IFIT1B: variants seen among roughly 807,000 people sequenced by gnomAD.
IFIT1B encodes the protein protein IFIT1 homolog B.
A neutral mutation model predicts 2.5 loss-of-function variants in IFIT1B; 3 were observed. The ratio of observed to expected loss-of-function variants is 1.21; its 90% CI spans 0.55 to 3.14. The LOEUF is 3.14. IFIT1B is among the 30% of genes most tolerant of loss of function. The pLI, the probability that IFIT1B is intolerant of heterozygous loss-of-function variation, is 0.03. For missense variants in IFIT1B, 545 were observed against 556.5 expected (o/e 0.98, Z 0.21); for synonymous variants, 196 against 203.0 (o/e 0.97, Z 0.29).
chr10:89,378,179 C>G (rs765970465), intron 1 of IFIT1B, 39 bp downstream of exon 1: 49 of 1,610,882 alleles, frequency 3.0e-5, no homozygotes, highest in Admixed American at 5.0e-5. Flanking sequence ...TATTTCTGCA[C>G]ACTTTGAAAT....
rs760461730 is a variant in IFIT1B, at chr10:89,384,639, C to G, written c.1326C>G (p.Leu442=). ...TACGGGTTGTGGAAAGTGTCAGCCT[C>G]CTTGGGCTTATCCACAAATTGAAAG... ...QNVRVVESVS[L]LGLIHKLKGE... is the part of the protein sequence containing the mutation. Residue 442 remains leucine (L), a synonymous_variant, in exon 2 of 2, where the codon CTC becomes CTG. Transcript: ENST00000371809. 1 of 1,614,170 alleles carries G rather than the reference C, an allele frequency of 6.2e-7. No individual in the cohort carries two copies. Among genetic ancestry groups the G allele is most frequent in the Non-Finnish European group, 8.5e-7 (1 of 1,180,028 alleles).
chr10:89,382,507 G>A (rs1340669265), intron 1 of IFIT1B, among the ~76,000 whole-genome samples: 1 of 152,220 alleles, frequency 6.6e-6, no homozygotes, highest in Non-Finnish European at 1.5e-5. Flanking sequence ...TCTTCCTCAT[G>A]AGTGGCTGAG....
Position 89,383,702 on chromosome 10 carries a change from A to G in IFIT1B, c.389A>G (p.Asn130Ser). The G allele has an allele frequency of 6.2e-7, 1 of 1,614,246 alleles. No homozygotes were observed. The highest frequency in any genetic ancestry group is 8.5e-7 in the Non-Finnish European group (1 of 1,180,050). Residue 130 changes from asparagine (N) to serine (S), a missense_variant, in exon 2 of 2, where the codon AAT becomes AGT. Coordinates refer to ENST00000371809, the MANE Select transcript of IFIT1B (RefSeq NM_001010987.2). ...KVENTCKKFA[N>S]PSRYRMECPE... ...GAGAACACTTGCAAGAAGTTTGCAA[A>G]TCCTTCCCGCTATAGAATGGAGTGT...
At chr10:89,380,043 A>C (rs1304756373) in intron 1 of IFIT1B, among the ~76,000 whole-genome samples, 1 of 152,106 alleles carries the variant, frequency 6.6e-6, no homozygotes, top group Non-Finnish European at 1.5e-5. Flanking sequence ...TCAAAAAAAA[A>C]AAAAAACAAA....
Position 89,383,331 on chromosome 10 carries a change from T to A in IFIT1B, c.18T>A (p.Asp6Glu), listed in dbSNP as rs563693998. The A allele has an allele frequency of 1.9e-6, 3 of 1,611,928 alleles. No individual in the cohort carries two copies. The highest frequency in any genetic ancestry group is 2.5e-6 in the Non-Finnish European group (3 of 1,178,774). MSEES[D>E]GKLIEDSLIQ... ...CCTATTTTTACAGTGAAGAATCTGA[T>A]GGAAAGCTTATTGAAGACAGCCTGA... The change falls in exon 2 of 2, where the codon GAT becomes GAA. Residue 6 changes from aspartate to glutamate, a missense_variant. Coordinates refer to ENST00000371809, the MANE Select transcript of IFIT1B (RefSeq NM_001010987.2).
rs770492303 is a variant in IFIT1B, at chr10:89,383,359, C to T, written c.46C>T (p.Gln16Ter). 3.1e-6 allele frequency: 5 copies of T among 1,614,090 alleles called. No homozygotes were observed. The highest frequency in any genetic ancestry group is 4.2e-6 in the Non-Finnish European group (5 of 1,179,996). The change falls in exon 2 of 2, where the codon CAG (glutamine) becomes TAG (stop). Residue 16 changes from glutamine to a stop codon, truncating the protein, a stop_gained. Transcript: ENST00000371809. LOFTEE classifies it low-confidence loss of function (END_TRUNC). ...DGKLIEDSLI[Q>*]LRCHFTWKLL... ...AAAGCTTATTGAAGACAGCCTGATTCAGCTGAGATGTCACTTTACATGGAA... is the reference window on the plus strand; with the variant it reads ...AAAGCTTATTGAAGACAGCCTGATTTAGCTGAGATGTCACTTTACATGGAA...
At chr10:89,378,685 A>G (rs1844139877) in intron 1 of IFIT1B, among the ~76,000 whole-genome samples, 1 of 152,246 alleles carries the variant, frequency 6.6e-6, no homozygotes, top group African/African-American at 2.4e-5. Context: ...CCATAGAGTC[A>G]GCTTCCAAGC....
At chr10:89,378,263 C>T (rs1171100607) in intron 1 of IFIT1B, 123 bp downstream of exon 1, 1 of 892,350 alleles carries the variant, frequency 1.1e-6, no homozygotes, top group African/African-American at 1.7e-5. Context: ...GTGGTTCTGA[C>T]CCTGATAGGC....
intron 1 of IFIT1B, among the ~76,000 whole-genome samples, chr10:89,380,034 C>CA (rs750085635): frequency 0.04 from 3,144 of 79,070 alleles, 84 homozygotes; most frequent in African/African-American, 0.11. Context: ...GACTCCGTCT[C>CA]AAAAAAAAAA....
chr10:89,378,147 T>C lies in IFIT1B; in HGVS notation c.5+7T>C, dbSNP rs780444490. 5 of 1,613,976 alleles carry C rather than the reference T, an allele frequency of 3.1e-6. No individual in the cohort carries two copies. The highest frequency in any genetic ancestry group is 3.4e-6 in the Non-Finnish European group (4 of 1,179,854). ...ATCTTCATAGCACCATGAGGTAAAG[T>C]CTTTCTCTGCTTCACTGACCTTATT... is the stretch of plus-strand genomic sequence containing the variant. On this transcript the variant is annotated splice_region_variant and intron_variant, in intron 1 of 1. Transcript: ENST00000371809.
At chr10:89,380,628 T>A (rs1053465968) in intron 1 of IFIT1B, among the ~76,000 whole-genome samples, 1 of 152,146 alleles carries the variant, frequency 6.6e-6, no homozygotes, top group Admixed American at 6.5e-5. Context: ...AGACATGGTT[T>A]CGCTATGTTG....
Position 89,384,962 on chromosome 10 carries a change from T to A in IFIT1B, c.*224T>A. ...CACCAGACATAAGACCCCCTGAAAGTATCATCCCTCCTGATGGAATGGTAA... is the reference window on the plus strand; with the variant it reads ...CACCAGACATAAGACCCCCTGAAAGAATCATCCCTCCTGATGGAATGGTAA... On this transcript the variant is annotated 3_prime_UTR_variant, in exon 2 of 2. Transcript: ENST00000371809. The A allele has an allele frequency of 3.9e-6, 2 of 510,328 alleles. No homozygotes were observed. Among genetic ancestry groups the A allele is most frequent in the Non-Finnish European group, 6.9e-6 (2 of 288,716 alleles). The allele number at this position is 510,328 out of a possible 1,614,324, so 31.6% of individuals were successfully genotyped here.
chr10:89,381,272 T>C (rs189617328), intron 1 of IFIT1B, among the ~76,000 whole-genome samples: 4 of 152,312 alleles, frequency 2.6e-5, no homozygotes, highest in African/African-American at 9.6e-5. Flanking sequence ...CCACGGGGCA[T>C]GAGTGGACGA....
Position 89,384,739 on chromosome 10 carries a change from C to CATAGAGG in IFIT1B, c.*2_*8dup. 1 of 1,592,378 alleles carries CATAGAGG rather than the reference C, an allele frequency of 6.3e-7. No homozygotes were observed. The highest frequency in any genetic ancestry group is 1.1e-5 in the South Asian group (1 of 89,146). ...TGCTGACCTGAACCCTATATTTTAACATAGAGGTCACCATTATCCATTTAA... is the reference window on the plus strand; with the variant it reads ...TGCTGACCTGAACCCTATATTTTAACATAGAGGATAGAGGTCACCATTATCCATTTAA... On this transcript the variant is annotated 3_prime_UTR_variant, in exon 2 of 2. Coordinates refer to ENST00000371809, the MANE Select transcript of IFIT1B (RefSeq NM_001010987.2).
At chr10:89,380,488 T>A (rs2133602511) in intron 1 of IFIT1B, among the ~76,000 whole-genome samples, 1 of 150,662 alleles carries the variant, frequency 6.6e-6, no homozygotes, top group South Asian at 2.1e-4. Context: ...CAGTCTGGAG[T>A]GCAGTGGCAT....
chr10:89,378,284 T>A (rs554721383), intron 1 of IFIT1B, 144 bp downstream of exon 1: 1 of 764,208 alleles, frequency 1.3e-6, no homozygotes, highest in South Asian at 1.6e-5. Context: ...ACCCTCAACA[T>A]GATAACCAAG....
Position 89,383,521 on chromosome 10 carries a change from G to C in IFIT1B, c.208G>C (p.Glu70Gln), listed in dbSNP as rs745398239. 6.2e-7 allele frequency: 1 copy of C among 1,614,176 alleles called. No homozygotes were observed. The highest frequency in any genetic ancestry group is 2.2e-5 in the East Asian group (1 of 44,884). ...YVKHLKGQNE[E>Q]ALVSLKKAED... ...GAAACACCTGAAAGGCCAGAATGAG[G>C]AAGCCCTGGTCAGCTTGAAAAAGGC... Residue 70 changes from glutamate to glutamine, a missense_variant, in exon 2 of 2, where the codon GAA (glutamate) becomes CAA (glutamine). Transcript: ENST00000371809.
chr10:89,381,370 CT>C (rs565219021), intron 1 of IFIT1B, among the ~76,000 whole-genome samples: 113 of 152,246 alleles, frequency 7.4e-4, no homozygotes, highest in African/African-American at 2.7e-3. Flanking sequence ...ATTAATTTTA[CT>C]TACTCCTGAC....
chr10:89,382,604 TG>T (rs1844171186), intron 1 of IFIT1B, among the ~76,000 whole-genome samples: 1 of 152,228 alleles, frequency 6.6e-6, no homozygotes, highest in South Asian at 2.1e-4. Context: ...CTTACAAAAG[TG>T]GGACTTGCCA....
Sources: gnomAD v4.1 joint callset for allele counts (sites outside exome capture counted in the v4.1 genomes callset) on GRCh38, gnomAD v4.1.1 for gene constraint, MANE v1.5 for transcripts, NCBI Gene and HGNC (gene_info 2026-07-23, HGNC 2026-07-21) for gene names.